The following SPAG16 variants were observed in gnomAD, a reference collection of about 807,000 sequenced individuals.
The protein encoded by SPAG16 is sperm associated antigen 16.
Under a neutral mutation model 80.4 loss-of-function variants are expected in SPAG16, and 86 were observed. The ratio of observed to expected loss-of-function variants is 1.07; its 90% CI spans 0.90 to 1.28. The LOEUF is 1.28. Among genes scored for constraint, SPAG16 ranks in the 50% most tolerant of loss-of-function variants. The pLI, the probability that SPAG16 is intolerant of heterozygous loss-of-function variation, is 0.00. For missense variants in SPAG16, 870 were observed against 765.3 expected (o/e 1.14, Z -1.61); for synonymous variants, 294 against 265.9 (o/e 1.11, Z -1.03).
chr2:213,725,931 G>A (rs570902318), intron 10 of SPAG16, among the ~76,000 whole-genome samples: 74 of 152,320 alleles, frequency 4.9e-4, no homozygotes, highest in African/African-American at 1.6e-3. Context: ...AAGGCAGGGG[G>A]AAAGTGGGGG....
intron 15 of SPAG16, among the ~76,000 whole-genome samples, chr2:214,330,277 C>CA (rs575894776): frequency 0.047 from 4,932 of 105,092 alleles, 213 homozygotes; most frequent in East Asian, 0.27. Context: ...AACTCTGTCT[C>CA]AAAAAAAAAA....
chr2:213,883,766 C>G (rs925995407), intron 11 of SPAG16, among the ~76,000 whole-genome samples: 2 of 152,138 alleles, frequency 1.3e-5, no homozygotes, highest in African/African-American at 2.4e-5. Context: ...TTATGTAATG[C>G]CTTCCATTGC....
At chr2:214,356,222 A>C (rs1228585776) in intron 15 of SPAG16, among the ~76,000 whole-genome samples, 2 of 151,942 alleles carry the variant, frequency 1.3e-5, no homozygotes. Context: ...GAAAAAAATA[A>C]AAAGAAAAAA....
At chr2:213,689,816 T>C (rs1446395992) in intron 10 of SPAG16, among the ~76,000 whole-genome samples, 3 of 152,342 alleles carry the variant, frequency 2.0e-5, no homozygotes, top group Admixed American at 2.0e-4. Flanking sequence ...CCCTCTTTTC[T>C]CTTTAGTGTG....
intron 11 of SPAG16, among the ~76,000 whole-genome samples, chr2:213,863,579 C>T (rs1346511357): frequency 6.6e-6 from 1 of 152,000 alleles, no homozygotes; most frequent in Non-Finnish European, 1.5e-5. Flanking sequence ...TTTGACCCTA[C>T]TTTATGAACA....
At chr2:213,903,952 C>T (rs773716422) in intron 11 of SPAG16, among the ~76,000 whole-genome samples, 4 of 152,172 alleles carry the variant, frequency 2.6e-5, no homozygotes, top group Non-Finnish European at 4.4e-5. Context: ...TTTGCTAAAA[C>T]ATAACAAGAG....
At chr2:213,845,843 G>T (rs1178859092) in intron 10 of SPAG16, among the ~76,000 whole-genome samples, 4 of 152,140 alleles carry the variant, frequency 2.6e-5, no homozygotes, top group African/African-American at 4.8e-5. Context: ...GGATCAGCTG[G>T]TTTGGTTTGA....
At chr2:213,411,520 C>T (rs983890249) in intron 9 of SPAG16, among the ~76,000 whole-genome samples, 4 of 152,146 alleles carry the variant, frequency 2.6e-5, no homozygotes, top group Non-Finnish European at 5.9e-5. Flanking sequence ...GAGGAGTTTG[C>T]GTCATGATTA....
chr2:214,135,217 G>A (rs938339484), intron 14 of SPAG16, among the ~76,000 whole-genome samples: 5 of 152,178 alleles, frequency 3.3e-5, no homozygotes, highest in Non-Finnish European at 7.3e-5. Flanking sequence ...GAAGCTTGTT[G>A]AGGTCATATA....
At chr2:213,408,505 G>C (rs1424403589) in intron 9 of SPAG16, among the ~76,000 whole-genome samples, 1 of 152,220 alleles carries the variant, frequency 6.6e-6, no homozygotes, top group African/African-American at 2.4e-5. Flanking sequence ...AAAGTATGGG[G>C]CTATTCTGTT....
chr2:213,709,710 G>C (rs972051814), intron 10 of SPAG16, among the ~76,000 whole-genome samples: 1 of 151,934 alleles, frequency 6.6e-6, no homozygotes, highest in Non-Finnish European at 1.5e-5. Context: ...GGAGAATATA[G>C]TTCTTTTTAT....
In SPAG16 at chr2:214,191,986, G is replaced by GA. The variant is rs543770429; in HGVS notation, c.1720+42730dup. 5.2e-3 allele frequency among the ~76,000 whole-genome samples: 761 copies of GA among 146,064 alleles called. 2 individuals carry two copies. The highest frequency in any genetic ancestry group is 0.017 in the African/African-American group (674 of 40,040). On this transcript the variant is annotated intron_variant, in intron 15 of 15. Transcript: ENST00000331683. ...AATGAATCATTGGACATTACTTTGG[G>GA]AAAAAAAAAACAGGACTAGGACAAA...
chr2:214,005,636 G>C (rs78317959), intron 12 of SPAG16, among the ~76,000 whole-genome samples: 1 of 152,082 alleles, frequency 6.6e-6, no homozygotes, highest in Admixed American at 6.6e-5. Context: ...CGTCTCCACT[G>C]AATAACCAAC....
chr2:213,867,926 C>CAAAAAAAAAAAAAAAAAAAAA (rs35795865), intron 11 of SPAG16, among the ~76,000 whole-genome samples: 1 of 45,888 alleles, frequency 2.2e-5, no homozygotes, highest in Non-Finnish European at 4.5e-5. Context: ...TCTGTCTCAA[C>CAAAAAAAAAAAAAAAAAAAAA]AAAAAAAAAA....
intron 11 of SPAG16, among the ~76,000 whole-genome samples, chr2:213,899,821 G>T (rs540815185): frequency 5.9e-5 from 9 of 152,024 alleles, no homozygotes; most frequent in African/African-American, 1.7e-4. Context: ...CAATAAAGAG[G>T]TTTTTTTCTA....
chr2:214,024,101 A>G (rs575166335), intron 13 of SPAG16, among the ~76,000 whole-genome samples: 10 of 151,784 alleles, frequency 6.6e-5, no homozygotes, highest in African/African-American at 2.2e-4. Flanking sequence ...AATTATTTAG[A>G]ATAAAATATT....
intron 6 of SPAG16, among the ~76,000 whole-genome samples, chr2:213,343,101 G>T (rs1480466532): frequency 1.3e-5 from 2 of 152,100 alleles, no homozygotes. Flanking sequence ...ACTTGTGGAA[G>T]TATAGGATGA....
chr2:213,805,689 A>C (rs1160223552), intron 10 of SPAG16, among the ~76,000 whole-genome samples: 1 of 152,032 alleles, frequency 6.6e-6, no homozygotes, highest in Non-Finnish European at 1.5e-5. Flanking sequence ...AGCCCTTCCA[A>C]CTCCTCCATT....
At chr2:213,337,668 G>C (rs13394093) in intron 5 of SPAG16, among the ~76,000 whole-genome samples, 4 of 151,728 alleles carry the variant, frequency 2.6e-5, no homozygotes, top group African/African-American at 9.7e-5. Flanking sequence ...CAGACAAGAG[G>C]AGAGAAAAAA....
Sources: gnomAD v4.1 joint callset for allele counts (sites outside exome capture counted in the v4.1 genomes callset) on GRCh38, gnomAD v4.1.1 for gene constraint, MANE v1.5 for transcripts, NCBI Gene and HGNC (gene_info 2026-07-23, HGNC 2026-07-21) for gene names.